Variants in PBX3 observed in about 807,000 individuals in gnomAD.
PBX3 encodes the protein PBX homeobox 3, also known as pre-B-cell leukemia transcription factor 3.
PBX3 carries 14 observed loss-of-function variants against 48.5 expected under a neutral mutation model. The ratio of observed to expected loss-of-function variants is 0.29; its 90% confidence interval spans 0.19 to 0.45. The LOEUF (loss-of-function observed/expected upper bound fraction) is 0.45, where lower values mean the gene tolerates loss of function less well. Ranked by LOEUF, PBX3 falls within the 20% of genes least tolerant of loss-of-function variation. The probability of loss-of-function intolerance (pLI) is 1.00; values close to 1 mark genes in which losing one functional copy is unlikely to be tolerated. For missense variants in PBX3, 386 were observed against 546.7 expected (o/e 0.71, Z 2.93); for synonymous variants, 210 against 200.3 (o/e 1.05, Z -0.41).
At chr9:125,834,930 T>G (rs1839077586) in intron 2 of PBX3, among the ~76,000 whole-genome samples, 1 of 137,434 alleles carries the variant, frequency 7.3e-6, no homozygotes, top group Non-Finnish European at 1.5e-5. Context: ...GGCAGGAGAA[T>G]CGCTTGAATC....
At chr9:125,748,226 C>T (rs575829473) in intron 1 of PBX3, 43 of 1,026,850 alleles carry the variant, frequency 4.2e-5, no homozygotes, top group Admixed American at 1.1e-4. Flanking sequence ...CGCGGGAGCC[C>T]CTCCGCACCC....
chr9:125,785,680 C>A (rs567867818), intron 2 of PBX3, among the ~76,000 whole-genome samples: 6 of 152,338 alleles, frequency 3.9e-5, no homozygotes, highest in African/African-American at 1.4e-4. Context: ...CTAATAAATT[C>A]TCTTTCATTT....
chr9:125,784,368 A>G (rs937790000), intron 2 of PBX3, among the ~76,000 whole-genome samples: 1 of 152,092 alleles, frequency 6.6e-6, no homozygotes, highest in Non-Finnish European at 1.5e-5. Context: ...ACCTCAGGTG[A>G]TCCGTCTGCC....
chr9:125,861,817 A>G (rs1172669877), intron 2 of PBX3, among the ~76,000 whole-genome samples: 1 of 152,214 alleles, frequency 6.6e-6, no homozygotes, highest in Non-Finnish European at 1.5e-5. Flanking sequence ...GGACTGAAGC[A>G]AGGGACATAG....
At chr9:125,753,424 C>T (rs1474580755) in intron 2 of PBX3, among the ~76,000 whole-genome samples, 1 of 151,714 alleles carries the variant, frequency 6.6e-6, no homozygotes, top group Non-Finnish European at 1.5e-5. Context: ...ACATATAATA[C>T]ATTTGTAGAA....
chr9:125,779,733 A>G (rs1440228732), intron 2 of PBX3, among the ~76,000 whole-genome samples: 4 of 145,356 alleles, frequency 2.8e-5, no homozygotes, highest in Admixed American at 2.1e-4. Flanking sequence ...ATTCCACAAA[A>G]CCGCCATTGT....
intron 3 of PBX3, among the ~76,000 whole-genome samples, chr9:125,920,881 T>A (rs908175205): frequency 6.6e-6 from 1 of 152,210 alleles, no homozygotes; most frequent in Non-Finnish European, 1.5e-5. Context: ...GGGTGAAAAT[T>A]TAAACTACTG....
chr9:125,775,825 T>C (rs1056424278), intron 2 of PBX3, among the ~76,000 whole-genome samples: 5 of 152,240 alleles, frequency 3.3e-5, no homozygotes, highest in Admixed American at 2.0e-4. Flanking sequence ...TTGGGTGGTA[T>C]TGCCATCTTA....
intron 2 of PBX3, among the ~76,000 whole-genome samples, chr9:125,762,438 A>G (rs1228246726): frequency 6.6e-6 from 1 of 152,094 alleles, no homozygotes; most frequent in Non-Finnish European, 1.5e-5. Flanking sequence ...GTTAGTATTC[A>G]CTTAATTAGA....
At chr9:125,753,004 A>G (rs1836417075) in intron 2 of PBX3, among the ~76,000 whole-genome samples, 1 of 152,202 alleles carries the variant, frequency 6.6e-6, no homozygotes, top group Non-Finnish European at 1.5e-5. Flanking sequence ...TGCAGAGAGC[A>G]GAGACTCTTG....
intron 2 of PBX3, among the ~76,000 whole-genome samples, chr9:125,765,146 G>T (rs1315319693): frequency 6.6e-6 from 1 of 151,406 alleles, no homozygotes; most frequent in Non-Finnish European, 1.5e-5. Flanking sequence ...GTATTTTAAA[G>T]AAATTGGTTT....
intron 3 of PBX3, among the ~76,000 whole-genome samples, chr9:125,927,610 A>C (rs1203507316): frequency 2.0e-5 from 3 of 152,222 alleles, no homozygotes; most frequent in Non-Finnish European, 2.9e-5. Flanking sequence ...TAAGATGCAG[A>C]ATTTCCCATC....
At chr9:125,820,319 G>A (rs1343095912) in intron 2 of PBX3, among the ~76,000 whole-genome samples, 3 of 152,150 alleles carry the variant, frequency 2.0e-5, no homozygotes, top group Non-Finnish European at 2.9e-5. Context: ...CCGAGATTAA[G>A]GAATGTCTCA....
At chr9:125,806,521 A>G (rs1838129896) in intron 2 of PBX3, among the ~76,000 whole-genome samples, 1 of 152,132 alleles carries the variant, frequency 6.6e-6, no homozygotes, top group Non-Finnish European at 1.5e-5. Flanking sequence ...AAGGGCAAAA[A>G]GGGGGCCTAG....
intron 1 of PBX3, 41 bp downstream of exon 1, chr9:125,747,694 G>A: frequency 6.8e-7 from 1 of 1,462,428 alleles, no homozygotes; most frequent in Non-Finnish European, 9.2e-7. Flanking sequence ...GTGTGTGCGG[G>A]AGCCGGGCCC....
chr9:125,820,771 T>G (rs918698915), intron 2 of PBX3, among the ~76,000 whole-genome samples: 2 of 152,344 alleles, frequency 1.3e-5, no homozygotes, highest in South Asian at 4.1e-4. Context: ...TTGCCTCTAT[T>G]AAGTAGTAGT....
At chr9:125,887,323 G>A (rs1237588745) in intron 2 of PBX3, among the ~76,000 whole-genome samples, 1 of 152,140 alleles carries the variant, frequency 6.6e-6, no homozygotes, top group Non-Finnish European at 1.5e-5. Flanking sequence ...ATAGCATATT[G>A]TAATTTGACA....
chr9:125,894,884 AG>A (rs1476701976), intron 2 of PBX3, among the ~76,000 whole-genome samples: 1 of 152,136 alleles, frequency 6.6e-6, no homozygotes, highest in Non-Finnish European at 1.5e-5. Flanking sequence ...GCCGCTTTAT[AG>A]CAGTTGTGAA....
intron 2 of PBX3, chr9:125,843,849 G>T: frequency 2.2e-6 from 1 of 455,684 alleles, no homozygotes. Flanking sequence ...GCCTGCTGAG[G>T]CAATTACAGC....
Sources: gnomAD v4.1 joint callset for allele counts (sites outside exome capture counted in the v4.1 genomes callset) on GRCh38, gnomAD v4.1.1 for gene constraint, MANE v1.5 for transcripts, NCBI Gene and HGNC (gene_info 2026-07-23, HGNC 2026-07-21) for gene names.